The following NRXN1 variants were observed in gnomAD, a reference collection of about 807,000 sequenced individuals.
NRXN1 encodes neurexin-1.
Under a neutral mutation model 150.9 loss-of-function variants are expected in NRXN1, and 39 were observed. The observed-to-expected ratio is 0.26, with a 90% CI of 0.20 to 0.34. NRXN1 has a LOEUF of 0.34. Ranked by LOEUF, NRXN1 falls within the 10% of genes least tolerant of loss-of-function variation. The pLI, the probability that NRXN1 is intolerant of heterozygous loss-of-function variation, is 1.00. For synonymous variants in NRXN1, 924 were observed against 757.0 expected (o/e 1.22, Z -3.62); for missense variants, 1,815 against 1,949.9 (o/e 0.93, Z 1.30).
intron 2 of NRXN1, among the ~76,000 whole-genome samples, chr2:51,022,302 T>G (rs1363153524): frequency 6.6e-6 from 1 of 152,094 alleles, no homozygotes; most frequent in African/African-American, 2.4e-5. Flanking sequence ...GTAAGCAGTA[T>G]TCTCATCCCA....
At chr2:50,871,903 T>C (rs1459929285) in intron 5 of NRXN1, among the ~76,000 whole-genome samples, 1 of 151,864 alleles carries the variant, frequency 6.6e-6, no homozygotes, top group African/African-American at 2.4e-5. Context: ...TATATAATGT[T>C]CCTGTTCAGT....
chr2:50,844,059 C>T (rs1234064787), intron 5 of NRXN1, among the ~76,000 whole-genome samples: 1 of 152,184 alleles, frequency 6.6e-6, no homozygotes, highest in East Asian at 1.9e-4. Flanking sequence ...GAGAAACACG[C>T]TCACCTGTCC....
At chr2:50,149,325 C>T (rs2058560500) in intron 18 of NRXN1, among the ~76,000 whole-genome samples, 1 of 151,652 alleles carries the variant, frequency 6.6e-6, no homozygotes, top group South Asian at 2.1e-4. Context: ...TAAAGTTTTA[C>T]CATCCAAGAA....
chr2:50,125,520 C>G (rs1469482529), intron 18 of NRXN1, among the ~76,000 whole-genome samples: 1 of 152,018 alleles, frequency 6.6e-6, no homozygotes, highest in Admixed American at 6.6e-5. Context: ...TTTTTTCAAA[C>G]TGAGCCAGAA....
chr2:50,688,599 A>G (rs1291475290), intron 5 of NRXN1, among the ~76,000 whole-genome samples: 5 of 152,142 alleles, frequency 3.3e-5, no homozygotes, highest in Non-Finnish European at 7.4e-5. Flanking sequence ...ATCAGTAAGG[A>G]TTTCTCATGT....
chr2:50,397,007 T>G (rs1660549889), intron 17 of NRXN1, among the ~76,000 whole-genome samples: 1 of 152,042 alleles, frequency 6.6e-6, no homozygotes, highest in South Asian at 2.1e-4. Flanking sequence ...AGATTCTTTT[T>G]AAGAAGCAGC....
At chr2:50,975,381 A>C (rs189759199) in intron 2 of NRXN1, among the ~76,000 whole-genome samples, 1 of 152,216 alleles carries the variant, frequency 6.6e-6, no homozygotes, top group East Asian at 1.9e-4. Context: ...ACAGTGACTT[A>C]AATGGAATCA....
intron 18 of NRXN1, among the ~76,000 whole-genome samples, chr2:50,098,854 T>TGG (rs1700623524): frequency 3.1e-4 from 9 of 28,940 alleles, no homozygotes; most frequent in African/African-American, 1.1e-3. Flanking sequence ...TTTTTTTTTT[T>TGG]TTTTTTTTTT....
At chr2:50,254,873 C>T (rs1183633059) in intron 17 of NRXN1, among the ~76,000 whole-genome samples, 2 of 152,006 alleles carry the variant, frequency 1.3e-5, no homozygotes, top group East Asian at 1.9e-4. Context: ...GTGGTGTTAT[C>T]GTGGTTCACT....
intron 8 of NRXN1, chr2:50,615,747 A>G (rs1331852338): frequency 1.3e-5 from 2 of 152,178 alleles, no homozygotes; most frequent in Non-Finnish European, 1.5e-5. Context: ...AATGGGCAAG[A>G]TGTCCTCATA....
At chr2:49,988,984 C>G (rs1490517667) in intron 21 of NRXN1, among the ~76,000 whole-genome samples, 1 of 152,214 alleles carries the variant, frequency 6.6e-6, no homozygotes, top group Non-Finnish European at 1.5e-5. Flanking sequence ...CAGTGGGAAT[C>G]TGAAGCATTG....
chr2:50,092,335 A>G (rs1699695718), intron 18 of NRXN1, among the ~76,000 whole-genome samples: 1 of 152,198 alleles, frequency 6.6e-6, no homozygotes, highest in African/African-American at 2.4e-5. Flanking sequence ...TCTGCCTCTG[A>G]GAAGCATTCT....
chr2:50,311,856 G>A (rs1251370403), intron 17 of NRXN1, among the ~76,000 whole-genome samples: 1 of 152,014 alleles, frequency 6.6e-6, no homozygotes, highest in East Asian at 1.9e-4. Flanking sequence ...TGAAATGTCT[G>A]TAAACCTAAA....
At chr2:50,277,441 TTC>T (rs2070687705) in intron 17 of NRXN1, among the ~76,000 whole-genome samples, 8 of 32,140 alleles carry the variant, frequency 2.5e-4, no homozygotes, top group Admixed American at 3.9e-4. Context: ...CCCTTCCTCC[TTC>T]CCTCTCTCCC....
intron 2 of NRXN1, among the ~76,000 whole-genome samples, chr2:51,020,063 T>C (rs979209233): frequency 6.6e-6 from 1 of 151,890 alleles, no homozygotes; most frequent in African/African-American, 2.4e-5. Flanking sequence ...GAAAGGTTTT[T>C]TTTTTTAAGT....
intron 5 of NRXN1, chr2:50,631,465 G>A (rs1682307829): frequency 6.2e-6 from 1 of 162,422 alleles, no homozygotes; most frequent in Non-Finnish European, 1.3e-5. Flanking sequence ...ACAAAACTAT[G>A]GTCACATAAC....
In NRXN1 at chr2:51,031,542, T is replaced by C. The variant is rs569197158; in HGVS notation, c.-922+439A>G. ...CTTTTGCAAAGTCTCTCAATACCAATGCACAGCCAAAATTCTCTCTGGCTT... is the reference window on the plus strand; with the variant it reads ...CTTTTGCAAAGTCTCTCAATACCAACGCACAGCCAAAATTCTCTCTGGCTT... On this transcript the variant is annotated intron_variant, in intron 1 of 22. Coordinates refer to ENST00000401669, the MANE Select transcript of NRXN1 (RefSeq NM_001330078.2). Among the ~76,000 whole-genome samples the C allele has an allele frequency of 7.2e-5, 11 of 152,174 alleles. No homozygotes were observed. In the South Asian group the frequency reaches 1.0e-3, roughly 14 times the overall value.
rs938978605 is a variant in NRXN1, at chr2:50,047,691, T to A, written c.4128+5580A>T. 3.5e-5 allele frequency among the ~76,000 whole-genome samples: 5 copies of A among 141,834 alleles called. 1 individual carries two copies. The highest frequency in any genetic ancestry group is 2.9e-4 in the Admixed American group (4 of 13,638). 93.0% of individuals were successfully genotyped at this position (141,834 alleles called of 152,430 possible). ...CATGGTTCCCTTCCACACACAGGCATCCCCCTCTTCCTTCCTCTGTTTTTT... is the reference window on the plus strand; with the variant it reads ...CATGGTTCCCTTCCACACACAGGCAACCCCCTCTTCCTTCCTCTGTTTTTT... On this transcript the variant is annotated intron_variant, in intron 21 of 22. Coordinates refer to ENST00000401669, the MANE Select transcript of NRXN1 (RefSeq NM_001330078.2).
chr2:50,666,056 T>C (rs995921943), intron 5 of NRXN1, among the ~76,000 whole-genome samples: 11 of 152,056 alleles, frequency 7.2e-5, no homozygotes, highest in African/African-American at 2.4e-4. Flanking sequence ...CTTGTTCCCT[T>C]CCACCGATTC....
Sources: gnomAD v4.1 joint callset for allele counts (sites outside exome capture counted in the v4.1 genomes callset) on GRCh38, gnomAD v4.1.1 for gene constraint, MANE v1.5 for transcripts, NCBI Gene and HGNC (gene_info 2026-07-23, HGNC 2026-07-21) for gene names.